RFX3: variants seen among roughly 807,000 people sequenced by gnomAD.
The protein encoded by RFX3 is regulatory factor X3.
RFX3 carries 14 observed loss-of-function variants against 98.6 expected under a neutral mutation model. The ratio of observed to expected loss-of-function variants is 0.14; its 90% CI spans 0.09 to 0.22. RFX3 has a LOEUF of 0.22. Among genes scored for constraint, RFX3 ranks in the 10% least tolerant of loss-of-function variants. The probability of loss-of-function intolerance (pLI) is 1.00; values close to 1 mark genes in which losing one functional copy is unlikely to be tolerated. For synonymous variants in RFX3, 383 were observed against 328.4 expected, an observed-to-expected ratio of 1.17 and a Z score of -1.80; for missense variants, 639 against 926.9, an observed-to-expected ratio of 0.69 and a Z score of 4.03.
intron 15 of RFX3, among the ~76,000 whole-genome samples, chr9:3,230,113 T>A (rs1238211140): frequency 1.3e-5 from 2 of 152,200 alleles, no homozygotes; most frequent in Non-Finnish European, 2.9e-5. Context: ...GGTCCTGGGA[T>A]GATTTGACTA....
At chr9:3,387,434 T>C (rs1331925876) in intron 2 of RFX3, among the ~76,000 whole-genome samples, 1 of 152,164 alleles carries the variant, frequency 6.6e-6, no homozygotes, top group Non-Finnish European at 1.5e-5. Flanking sequence ...ACTTAAATAG[T>C]AGAGCTCTCA....
At chr9:3,490,499 T>A (rs1205507755) in intron 1 of RFX3, among the ~76,000 whole-genome samples, 1 of 152,140 alleles carries the variant, frequency 6.6e-6, no homozygotes, top group African/African-American at 2.4e-5. Context: ...TTTCTTCACA[T>A]GAATGCACTG....
intron 1 of RFX3, chr9:3,400,194 G>C (rs758231552): frequency 4.1e-5 from 40 of 971,448 alleles, no homozygotes; most frequent in Non-Finnish European, 4.5e-5. Flanking sequence ...CCATACAGAC[G>C]CTGCACAAAG....
chr9:3,510,921 T>C (rs1419981599), intron 1 of RFX3, among the ~76,000 whole-genome samples: 1 of 152,048 alleles, frequency 6.6e-6, no homozygotes, highest in East Asian at 1.9e-4. Flanking sequence ...GTTAGAATTA[T>C]ATATAACCCT....
rs879501035 is a variant in RFX3 at position 3,281,358 on chromosome 9, G to GA, written c.852-3898dup. Among the ~76,000 whole-genome samples the GA allele has an allele frequency of 2.6e-3, 362 of 141,342 alleles. 2 individuals are homozygous for GA. The highest frequency in any genetic ancestry group is 0.02 in the South Asian group (89 of 4,560). The allele number at this position is 141,342 out of a possible 152,430, so 92.7% of individuals were successfully genotyped here. A position where few individuals can be genotyped will look rare whatever the true frequency, so the allele number is the denominator to read the frequency against. On this transcript the variant is annotated intron_variant, in intron 7 of 16. Transcript: ENST00000617270. The stretch of plus-strand genomic sequence containing the variant: ...TTAAAAAACAGGTAAGATTTCCATT[G>GA]AAAAAAAAAAAGTCAAACAAAAACC...
chr9:3,375,403 G>T (rs1424616999), intron 2 of RFX3, among the ~76,000 whole-genome samples: 1 of 152,160 alleles, frequency 6.6e-6, no homozygotes, highest in Non-Finnish European at 1.5e-5. Flanking sequence ...ATGGCATGCT[G>T]CGGCCACATT....
chr9:3,323,987 T>C (rs1417805995), intron 4 of RFX3: 1 of 424,836 alleles, frequency 2.4e-6, no homozygotes, highest in Non-Finnish European at 5.1e-6. Flanking sequence ...TTTTATTAAA[T>C]GCTTTGAAAA....
chr9:3,296,086 T>C (rs1249710607), intron 5 of RFX3, among the ~76,000 whole-genome samples: 1 of 151,958 alleles, frequency 6.6e-6, no homozygotes, highest in Non-Finnish European at 1.5e-5. Flanking sequence ...AAATTTTTAC[T>C]ACAAAATTTG....
intron 9 of RFX3, among the ~76,000 whole-genome samples, chr9:3,271,504 C>G (rs1405336639): frequency 2.8e-5 from 4 of 141,158 alleles, no homozygotes; most frequent in Admixed American, 2.1e-4. Flanking sequence ...CCCCTTCCTT[C>G]CTTCCTTCCC....
chr9:3,291,263 C>CGGGA (rs1000413033), intron 6 of RFX3, among the ~76,000 whole-genome samples: 1 of 151,850 alleles, frequency 6.6e-6, no homozygotes, highest in African/African-American at 2.4e-5. Context: ...CCGGGTTACT[C>CGGGA]GGGAGGCTGA....
intron 2 of RFX3, among the ~76,000 whole-genome samples, chr9:3,360,435 C>A (rs765288179): frequency 6.6e-6 from 1 of 151,898 alleles, no homozygotes; most frequent in Non-Finnish European, 1.5e-5. Context: ...AAATGGTTAC[C>A]TAGTACACAT....
chr9:3,329,707 A>C (rs1036238853), intron 4 of RFX3, among the ~76,000 whole-genome samples: 1 of 152,152 alleles, frequency 6.6e-6, no homozygotes, highest in African/African-American at 2.4e-5. Context: ...TTCTATTTTA[A>C]AAGTGAGTCA....
At chr9:3,327,932 C>T (rs1194065309) in intron 4 of RFX3, among the ~76,000 whole-genome samples, 1 of 151,906 alleles carries the variant, frequency 6.6e-6, no homozygotes, top group African/African-American at 2.4e-5. Flanking sequence ...TAAAGGTTAG[C>T]AATGCAACTG....
At chr9:3,522,556 C>CGTGTGTGTGTGTGTGTGTGTGTGT (rs111656079) in intron 1 of RFX3, among the ~76,000 whole-genome samples, 1 of 145,284 alleles carries the variant, frequency 6.9e-6, no homozygotes, top group African/African-American at 2.5e-5. Context: ...AGTGTGTGTG[C>CGTGTGTGTGTGTGTGTGTGTGTGT]GTGTGTGTGT....
At chr9:3,302,621 G>C (rs1828800349) in intron 4 of RFX3, among the ~76,000 whole-genome samples, 1 of 151,732 alleles carries the variant, frequency 6.6e-6, no homozygotes, top group African/African-American at 2.4e-5. Flanking sequence ...AGTATAAGCA[G>C]TTATAAAAAT....
chr9:3,399,273 TAAAA>T (rs35058002), intron 1 of RFX3, among the ~76,000 whole-genome samples: 1 of 118,306 alleles, frequency 8.5e-6, no homozygotes, highest in Admixed American at 8.7e-5. Flanking sequence ...TGTCTCTGCT[TAAAA>T]AAAAAAAAAA....
intron 1 of RFX3, among the ~76,000 whole-genome samples, chr9:3,398,343 A>C (rs549687176): frequency 4.0e-4 from 61 of 152,232 alleles, no homozygotes; most frequent in Non-Finnish European, 5.9e-4. Flanking sequence ...AGGAAACAAA[A>C]AAAAAAAATC....
chr9:3,485,122 TAATTA>T (rs1850148228), intron 1 of RFX3, among the ~76,000 whole-genome samples: 1 of 152,062 alleles, frequency 6.6e-6, no homozygotes, highest in Non-Finnish European at 1.5e-5. Flanking sequence ...AAAACAAAAT[TAATTA>T]AATTAATAGT....
chr9:3,360,923 G>A (rs1361599794), intron 2 of RFX3, among the ~76,000 whole-genome samples: 1 of 152,150 alleles, frequency 6.6e-6, no homozygotes, highest in East Asian at 1.9e-4. Context: ...AGTCAGCTAA[G>A]AACAATACTA....
Sources: allele counts gnomAD v4.1 joint callset (sites outside exome capture counted in the v4.1 genomes callset), GRCh38; gene constraint gnomAD v4.1.1; transcripts MANE v1.5; gene names NCBI Gene and HGNC (gene_info 2026-07-23, HGNC 2026-07-21).